Variants in ABCC12 observed in about 807,000 individuals in gnomAD.
ABCC12 encodes the protein ATP binding cassette subfamily C member 12.
In ABCC12, 142 loss-of-function variants were observed where a neutral mutation model predicts 151.1. The ratio of observed to expected loss-of-function variants is 0.94; its 90% CI spans 0.82 to 1.08. ABCC12 has a LOEUF of 1.08. Ranked by LOEUF, ABCC12 falls within the 50% of genes least tolerant of loss-of-function variation. The pLI, the probability that ABCC12 is intolerant of heterozygous loss-of-function variation, is 0.00. For synonymous variants in ABCC12, 645 were observed against 646.4 expected, an observed-to-expected ratio of 1.00 and a Z score of 0.03; for missense variants, 1,638 against 1,691.1, an observed-to-expected ratio of 0.97 and a Z score of 0.55.
In ABCC12 at chr16:48,125,564, T is replaced by C. The variant is rs12599559; in HGVS notation, c.1516-1280A>G. Among the ~76,000 whole-genome samples the C allele has an allele frequency of 6.2e-4, 95 of 152,280 alleles. 1 individual carries two copies. In the East Asian group the frequency reaches 0.018, roughly 29 times the overall value. On this transcript the variant is annotated intron_variant, in intron 11 of 30. Coordinates refer to ENST00000311303, the MANE Select transcript of ABCC12 (RefSeq NM_001393797.1). ...GCCATGGGGTATCTGGGGAGAATCA[T>C]TGCAGGCAAACAGCCCATGTGGAGA...
chr16:48,084,054 G>A lies in ABCC12; in HGVS notation c.3848C>T (p.Ala1283Val), dbSNP rs746612189. 6.2e-7 allele frequency: 1 copy of A among 1,610,028 alleles called. No homozygotes were observed. The highest frequency in any genetic ancestry group is 8.5e-7 in the Non-Finnish European group (1 of 1,179,106). ...AGTCTTGGAGTCCATAGAGGCGGTG[G>A]CTTCATCAAGGAGAATGATCTGTGG... ...RNSKIILLDEATASMDSKTDT... is the reference protein window; with the variant it reads ...RNSKIILLDEVTASMDSKTDT... Residue 1283 changes from alanine to valine, a missense_variant, in exon 30 of 31, where the codon GCC becomes GTC. Physicochemically the swap from Ala to Val is moderately conservative, Grantham distance 64. Transcript: ENST00000311303.
chr16:48,141,470 G>T, intron 4 of ABCC12, 117 bp from the exon 5 acceptor site: 2 of 1,344,870 alleles, frequency 1.5e-6, no homozygotes, highest in Non-Finnish European at 1.0e-6. Context: ...CCTGGCAGTG[G>T]TGCCTTCCAG....
At chr16:48,148,877 A>G (rs1159727183) in intron 2 of ABCC12, among the ~76,000 whole-genome samples, 1 of 151,332 alleles carries the variant, frequency 6.6e-6, no homozygotes, top group Non-Finnish European at 1.5e-5. Context: ...TTTCCTACAT[A>G]CTTTTTTATT....
intron 15 of ABCC12, among the ~76,000 whole-genome samples, chr16:48,114,058 G>A (rs1018544041): frequency 4.6e-5 from 7 of 152,124 alleles, no homozygotes; most frequent in African/African-American, 1.7e-4. Context: ...ATCCAACCTT[G>A]TCCTCCATCC....
chr16:48,096,903 CTG>C lies in ABCC12; in HGVS notation c.3039-3_3039-2del. 6.2e-7 allele frequency: 1 copy of C among 1,614,148 alleles called. No individual in the cohort carries two copies. Among genetic ancestry groups the C allele is most frequent in the Non-Finnish European group, 8.5e-7 (1 of 1,180,050 alleles). On this transcript the variant is annotated splice_acceptor_variant and splice_polypyrimidine_tract_variant and intron_variant, in intron 23 of 30. Coordinates refer to ENST00000311303, the MANE Select transcript of ABCC12 (RefSeq NM_001393797.1). LOFTEE classifies it high-confidence loss of function. Reference sequence around the variant, plus strand: ...AGCACAGTTAAAGTAGAGGAGGTGACTGGAGTTTTCGTCGTTTAGCGTCTTAA... The same window carrying C: ...AGCACAGTTAAAGTAGAGGAGGTGACGAGTTTTCGTCGTTTAGCGTCTTAA...
intron 2 of ABCC12, among the ~76,000 whole-genome samples, chr16:48,147,226 T>G (rs765135314): frequency 2.0e-5 from 3 of 152,118 alleles, no homozygotes; most frequent in Non-Finnish European, 4.4e-5. Context: ...CACCCCATCC[T>G]CCAGCCACCT....
At chr16:48,142,644 C>G (rs1327143884) in intron 4 of ABCC12, among the ~76,000 whole-genome samples, 1 of 152,194 alleles carries the variant, frequency 6.6e-6, no homozygotes, top group African/African-American at 2.4e-5. Flanking sequence ...GACTAACACT[C>G]CCAGGCCTTC....
At chr16:48,134,795 G>A (rs1964549953) in intron 8 of ABCC12, among the ~76,000 whole-genome samples, 1 of 152,176 alleles carries the variant, frequency 6.6e-6, no homozygotes, top group Non-Finnish European at 1.5e-5. Context: ...GCTCACGCCT[G>A]TAATCCCAGC....
chr16:48,132,490 T>C (rs891617163), intron 9 of ABCC12, among the ~76,000 whole-genome samples: 4 of 152,218 alleles, frequency 2.6e-5, no homozygotes, highest in African/African-American at 9.7e-5. Context: ...GGTGCAATTC[T>C]TCCTCTATGA....
chr16:48,088,025 A>G lies in ABCC12; in HGVS notation c.3536T>C (p.Phe1179Ser), dbSNP rs1349695258. ...AATGCAGATATCCACCTCATCAATAAAGATTGTGCCACTGGCTGGCTCCAC... is the reference window on the plus strand; with the variant it reads ...AATGCAGATATCCACCTCATCAATAGAGATTGTGCCACTGGCTGGCTCCAC... ...RLVEPASGTI[F>S]IDEVDICILS... The change falls in exon 27 of 31, where the codon TTT becomes TCT. Residue 1179 changes from phenylalanine (F) to serine (S), a missense_variant. By Grantham distance (155) the Phe-to-Ser change is radical. Coordinates refer to ENST00000311303, the MANE Select transcript of ABCC12 (RefSeq NM_001393797.1). 1 of 1,614,202 alleles carries G rather than the reference A, an allele frequency of 6.2e-7. No homozygotes were observed.
chr16:48,081,725 A>T lies in ABCC12; in HGVS notation c.*1990T>A, dbSNP rs546662005. On this transcript the variant is annotated 3_prime_UTR_variant, in exon 31 of 31. Coordinates refer to ENST00000311303, the MANE Select transcript of ABCC12 (RefSeq NM_001393797.1). The stretch of plus-strand genomic sequence containing the variant: ...TGTTCTTCTTCTGCCAGAGTAAACC[A>T]AAGCGAGTGTGGGCAGAAAAGGAGT... 2.0e-5 allele frequency among the ~76,000 whole-genome samples: 3 copies of T among 152,336 alleles called. No homozygotes were observed. Among genetic ancestry groups the T allele is most frequent in the African/African-American group, 7.2e-5 (3 of 41,598 alleles).
At chr16:48,124,000 T>C (rs944538500) in intron 12 of ABCC12, among the ~76,000 whole-genome samples, 9 of 152,330 alleles carry the variant, frequency 5.9e-5, no homozygotes, top group Non-Finnish European at 1.0e-4. Context: ...GACCTCCTCA[T>C]TGGCAAACTC....
intron 23 of ABCC12, among the ~76,000 whole-genome samples, chr16:48,099,296 C>A (rs1445360160): frequency 6.6e-6 from 1 of 151,964 alleles, no homozygotes; most frequent in Non-Finnish European, 1.5e-5. Flanking sequence ...ACTTGGGAGG[C>A]TGAGGCAAGA....
intron 25 of ABCC12, 108 bp downstream of exon 25, chr16:48,091,012 G>T: frequency 1.8e-6 from 2 of 1,127,774 alleles, no homozygotes; most frequent in South Asian, 1.3e-5. Context: ...CGCCCGGCCC[G>T]ATTTCCGTTT....
Position 48,115,497 on chromosome 16 carries a change from T to C in ABCC12, c.1907A>G (p.His636Arg). 1 of 1,614,200 alleles carries C rather than the reference T, an allele frequency of 6.2e-7. No individual in the cohort carries two copies. Among genetic ancestry groups the C allele is most frequent in the Non-Finnish European group, 8.5e-7 (1 of 1,180,030 alleles). Residue 636 changes from histidine (H) to arginine (R), a missense_variant, in exon 15 of 31, where the codon CAC (histidine) becomes CGC (arginine). His to Arg is a conservative substitution (Grantham distance 29). Coordinates refer to ENST00000311303, the MANE Select transcript of ABCC12 (RefSeq NM_001393797.1). ...LDDPLSAVDAHVGKHVFEECI... is the reference protein window; with the variant it reads ...LDDPLSAVDARVGKHVFEECI... ...CTCCTCAAAGACGTGCTTCCCCACG[T>C]GGGCGTCCACGGCCGACAGGGGGTC...
intron 13 of ABCC12, among the ~76,000 whole-genome samples, chr16:48,117,778 G>T (rs1963937513): frequency 6.6e-6 from 1 of 152,152 alleles, no homozygotes; most frequent in Non-Finnish European, 1.5e-5. Context: ...GAGGCTAACA[G>T]CAGGGGGCTG....
At position 48,098,715 on chromosome 16, in the gene ABCC12, T is replaced by C. The variant is rs185205782; in HGVS notation, c.3039-1813A>G. 4.2e-3 allele frequency among the ~76,000 whole-genome samples: 638 copies of C among 152,352 alleles called. 7 individuals carry two copies. Among genetic ancestry groups the C allele is most frequent in the Non-Finnish European group, 7.4e-3 (502 of 68,034 alleles). The stretch of plus-strand genomic sequence containing the variant: ...ATTGGAATTTGACCTCTAATCTTTT[T>C]ACATTTTTTAAGCTGTAGCATTTTT... On this transcript the variant is annotated intron_variant, in intron 23 of 30. Transcript: ENST00000311303.
chr16:48,106,692 G>A (rs1353905108), intron 20 of ABCC12, among the ~76,000 whole-genome samples: 1 of 152,176 alleles, frequency 6.6e-6, no homozygotes, highest in Non-Finnish European at 1.5e-5. Context: ...CTTGGAGGAT[G>A]GGCCAGCGTC....
intron 2 of ABCC12, among the ~76,000 whole-genome samples, chr16:48,153,142 A>T (rs977343727): frequency 6.6e-6 from 1 of 152,246 alleles, no homozygotes; most frequent in Non-Finnish European, 1.5e-5. Flanking sequence ...GTAAAAGAAC[A>T]GTATTGGAAC....
Sources: gnomAD v4.1 joint callset for allele counts (sites outside exome capture counted in the v4.1 genomes callset) on GRCh38, gnomAD v4.1.1 for gene constraint, MANE v1.5 for transcripts, NCBI Gene and HGNC (gene_info 2026-07-23, HGNC 2026-07-21) for gene names.